MYO3B: variants seen among roughly 807,000 people sequenced by gnomAD.
The protein encoded by MYO3B is myosin IIIB.
MYO3B carries 156 observed loss-of-function variants against 174.6 expected under a neutral mutation model. That is an observed-to-expected ratio of 0.89 (90% confidence interval 0.78 to 1.02). The LOEUF (loss-of-function observed/expected upper bound fraction) is 1.02. Among genes scored for constraint, MYO3B ranks in the 50% least tolerant of loss-of-function variants. The pLI, the probability that MYO3B is intolerant of heterozygous loss-of-function variation, is 0.00. For synonymous variants in MYO3B, 563 were observed against 569.1 expected (o/e 0.99, Z 0.15); for missense variants, 1,632 against 1,639.4 (o/e 1.00, Z 0.08).
intron 21 of MYO3B, 91 bp downstream of exon 21, chr2:170,405,724 A>G: frequency 2.0e-6 from 2 of 1,015,440 alleles, no homozygotes; most frequent in Admixed American, 2.1e-5. Context: ...AATTGCTTAC[A>G]GATTTCTTTC....
intron 29 of MYO3B, among the ~76,000 whole-genome samples, chr2:170,518,329 A>G (rs1158773180): frequency 6.6e-6 from 1 of 152,110 alleles, no homozygotes; most frequent in East Asian, 1.9e-4. Flanking sequence ...ACAATTCCCA[A>G]ATTTATAGAT....
intron 25 of MYO3B, among the ~76,000 whole-genome samples, chr2:170,480,399 C>A (rs1020963982): frequency 5.9e-5 from 9 of 152,112 alleles, no homozygotes; most frequent in Non-Finnish European, 1.2e-4. Context: ...GGTGGCACAC[C>A]CAAGCAAGGC....
intron 3 of MYO3B, among the ~76,000 whole-genome samples, chr2:170,207,962 TG>T (rs1260613783): frequency 6.6e-6 from 1 of 152,120 alleles, no homozygotes; most frequent in African/African-American, 2.4e-5. Flanking sequence ...AAAGGGAGTC[TG>T]GGGGTGGGAG....
intron 32 of MYO3B, among the ~76,000 whole-genome samples, chr2:170,578,650 T>G (rs1422829407): frequency 6.6e-6 from 1 of 152,260 alleles, no homozygotes. Flanking sequence ...GTTAATGTAT[T>G]CACTGCATTA....
chr2:170,335,850 G>A (rs530905321), intron 8 of MYO3B, among the ~76,000 whole-genome samples: 14 of 152,242 alleles, frequency 9.2e-5, no homozygotes, highest in African/African-American at 3.4e-4. Flanking sequence ...CTTCCTCTAG[G>A]ATCTGTGGCA....
At chr2:170,625,143 A>T (rs1053809817) in intron 32 of MYO3B, among the ~76,000 whole-genome samples, 1 of 152,220 alleles carries the variant, frequency 6.6e-6, no homozygotes, top group Non-Finnish European at 1.5e-5. Flanking sequence ...AAGGAATGGT[A>T]CCAGCTCCTC....
At chr2:170,183,552 A>T (rs994816161) in intron 1 of MYO3B, among the ~76,000 whole-genome samples, 2 of 152,178 alleles carry the variant, frequency 1.3e-5, no homozygotes, top group Admixed American at 1.3e-4. Context: ...TGCTAATTTT[A>T]TACTCAGCTC....
intron 32 of MYO3B, among the ~76,000 whole-genome samples, chr2:170,567,504 A>C (rs1399593422): frequency 6.6e-6 from 1 of 152,226 alleles, no homozygotes; most frequent in Non-Finnish European, 1.5e-5. Flanking sequence ...TTAATCACAT[A>C]ATGAAATGTT....
At chr2:170,190,483 G>A (rs949131386) in intron 1 of MYO3B, among the ~76,000 whole-genome samples, 3 of 152,120 alleles carry the variant, frequency 2.0e-5, no homozygotes, top group Non-Finnish European at 4.4e-5. Context: ...GATGATGTCT[G>A]GAAGCCAGGG....
intron 32 of MYO3B, among the ~76,000 whole-genome samples, chr2:170,576,122 T>C (rs769195684): frequency 6.6e-6 from 1 of 152,248 alleles, no homozygotes; most frequent in East Asian, 1.9e-4. Flanking sequence ...TTAACCTATA[T>C]TAGAGAACTG....
intron 32 of MYO3B, among the ~76,000 whole-genome samples, chr2:170,561,260 G>A (rs1378622280): frequency 1.3e-5 from 2 of 152,172 alleles, no homozygotes; most frequent in Non-Finnish European, 2.9e-5. Context: ...ACCACCCTGA[G>A]CAAATTAACC....
intron 7 of MYO3B, among the ~76,000 whole-genome samples, chr2:170,309,793 TA>T (rs1339977726): frequency 6.6e-6 from 1 of 152,218 alleles, no homozygotes; most frequent in East Asian, 1.9e-4. Flanking sequence ...TTAACCATTT[TA>T]AAGTAAACAA....
intron 6 of MYO3B, among the ~76,000 whole-genome samples, chr2:170,217,647 G>GC (rs1329431039): frequency 6.6e-6 from 1 of 152,176 alleles, no homozygotes; most frequent in Non-Finnish European, 1.5e-5. Context: ...AGAAGATGCA[G>GC]CCCCCTCCAA....
At chr2:170,596,399 A>G (rs1694151342) in intron 32 of MYO3B, among the ~76,000 whole-genome samples, 1 of 152,064 alleles carries the variant, frequency 6.6e-6, no homozygotes, top group African/African-American at 2.4e-5. Context: ...GACTGTTACC[A>G]TTTCCAGCCC....
intron 32 of MYO3B, among the ~76,000 whole-genome samples, chr2:170,589,574 T>G: frequency 6.6e-6 from 1 of 152,152 alleles, no homozygotes. Context: ...AAAAAAAATT[T>G]TAAATAGAAA....
chr2:170,207,015 T>C (rs1180656805), intron 3 of MYO3B, among the ~76,000 whole-genome samples: 1 of 152,178 alleles, frequency 6.6e-6, no homozygotes, highest in Non-Finnish European at 1.5e-5. Flanking sequence ...TGTAGAAAAC[T>C]GTTATTGTAA....
At chr2:170,244,985 C>T (rs1482425119) in intron 7 of MYO3B, among the ~76,000 whole-genome samples, 1 of 152,114 alleles carries the variant, frequency 6.6e-6, no homozygotes, top group Non-Finnish European at 1.5e-5. Context: ...TATGAACACA[C>T]TGGCTGGGGT....
chr2:170,481,483 A>G (rs1685686105), intron 25 of MYO3B, among the ~76,000 whole-genome samples: 1 of 152,154 alleles, frequency 6.6e-6, no homozygotes, highest in African/African-American at 2.4e-5. Flanking sequence ...AGCTGAGGTG[A>G]GAGGATCGCT....
chr2:170,594,124 C>G (rs1253856331), intron 32 of MYO3B, among the ~76,000 whole-genome samples: 1 of 152,128 alleles, frequency 6.6e-6, no homozygotes, highest in Non-Finnish European at 1.5e-5. Context: ...CCAAGCTCAT[C>G]TATCCGAATC....
Sources: allele counts gnomAD v4.1 joint callset (sites outside exome capture counted in the v4.1 genomes callset), GRCh38; gene constraint gnomAD v4.1.1; transcripts MANE v1.5; gene names NCBI Gene and HGNC (gene_info 2026-07-23, HGNC 2026-07-21).